The following C8orf34 variants were observed in gnomAD, a reference collection of about 807,000 sequenced individuals.
C8orf34 encodes the protein uncharacterized protein C8orf34.
A neutral mutation model predicts 68.3 loss-of-function variants in C8orf34; 65 were observed. The ratio of observed to expected loss-of-function variants is 0.95; its 90% CI spans 0.78 to 1.17. C8orf34 has a LOEUF of 1.17. Ranked by LOEUF, C8orf34 falls within the 50% of genes most tolerant of loss-of-function variation. The pLI, the probability that C8orf34 is intolerant of heterozygous loss-of-function variation, is 0.00. For synonymous variants in C8orf34, 244 were observed against 241.2 expected, an observed-to-expected ratio of 1.01 and a Z score of -0.11; for missense variants, 664 against 655.4, an observed-to-expected ratio of 1.01 and a Z score of -0.14.
chr8:68,801,977 T>C (rs1824340202), intron 12 of C8orf34, among the ~76,000 whole-genome samples: 1 of 152,116 alleles, frequency 6.6e-6, no homozygotes, highest in South Asian at 2.1e-4. Context: ...AGATCATCTA[T>C]ACAATCATTC....
intron 12 of C8orf34, among the ~76,000 whole-genome samples, chr8:68,802,259 C>A (rs188301453): frequency 1.3e-5 from 2 of 151,868 alleles, no homozygotes; most frequent in African/African-American, 4.8e-5. Context: ...CACCACCATG[C>A]CTGGCTAATT....
At chr8:68,656,748 G>T (rs910490637) in intron 8 of C8orf34, among the ~76,000 whole-genome samples, 2 of 152,034 alleles carry the variant, frequency 1.3e-5, no homozygotes, top group African/African-American at 4.8e-5. Flanking sequence ...CCAGTCCCTG[G>T]AGACCCTGGA....
intron 7 of C8orf34, chr8:68,535,536 C>T (rs1815428759): frequency 2.2e-6 from 2 of 909,850 alleles, no homozygotes; most frequent in Non-Finnish European, 2.6e-6. Context: ...TTTAGTTGAA[C>T]TAGTAGAAGT....
At chr8:68,743,216 T>C (rs1379429771) in intron 10 of C8orf34, among the ~76,000 whole-genome samples, 1 of 152,146 alleles carries the variant, frequency 6.6e-6, no homozygotes, top group Non-Finnish European at 1.5e-5. Flanking sequence ...TTTTCTTGAG[T>C]ATGATGATGA....
At chr8:68,407,218 T>C (rs1298594197) in intron 1 of C8orf34, among the ~76,000 whole-genome samples, 1 of 152,164 alleles carries the variant, frequency 6.6e-6, no homozygotes, top group Non-Finnish European at 1.5e-5. Flanking sequence ...GGTTCCTTTT[T>C]TTTTTATCGT....
intron 7 of C8orf34, among the ~76,000 whole-genome samples, chr8:68,539,660 T>C (rs1815626907): frequency 6.6e-6 from 1 of 152,076 alleles, no homozygotes; most frequent in African/African-American, 2.4e-5. Flanking sequence ...GAGACCAGCC[T>C]GGCCAACATG....
chr8:68,534,192 T>C (rs926957789), intron 7 of C8orf34: 1 of 985,442 alleles, frequency 1.0e-6, no homozygotes, highest in Non-Finnish European at 1.2e-6. Flanking sequence ...GTTTGAAAGA[T>C]GTTTTCTGAT....
intron 1 of C8orf34, among the ~76,000 whole-genome samples, chr8:68,416,785 C>T (rs1809689908): frequency 6.6e-6 from 1 of 152,058 alleles, no homozygotes; most frequent in African/African-American, 2.4e-5. Context: ...CCCATCTCAG[C>T]CTCCCAAAAT....
At chr8:68,467,934 AT>A (rs1812219625) in intron 3 of C8orf34, among the ~76,000 whole-genome samples, 4 of 152,126 alleles carry the variant, frequency 2.6e-5, no homozygotes, top group Admixed American at 2.6e-4. Flanking sequence ...TTTAAAAAAA[AT>A]ATGCCTCGAC....
chr8:68,476,045 G>A (rs990235200), intron 4 of C8orf34, among the ~76,000 whole-genome samples: 1 of 152,182 alleles, frequency 6.6e-6, no homozygotes, highest in Admixed American at 6.5e-5. Context: ...AGTCAGTCAG[G>A]AATGTACCCA....
chr8:68,588,485 A>AT (rs545000485), intron 7 of C8orf34, among the ~76,000 whole-genome samples: 22 of 152,256 alleles, frequency 1.4e-4, no homozygotes, highest in Admixed American at 7.2e-4. Flanking sequence ...ACACTATTTA[A>AT]TGTCATGGAG....
intron 7 of C8orf34, among the ~76,000 whole-genome samples, chr8:68,596,516 G>A (rs1479352428): frequency 6.6e-6 from 1 of 152,080 alleles, no homozygotes; most frequent in Non-Finnish European, 1.5e-5. Context: ...GAACACATGA[G>A]ACTCCTGTAT....
At chr8:68,392,496 AC>A (rs1314893785) in intron 1 of C8orf34, among the ~76,000 whole-genome samples, 3 of 151,906 alleles carry the variant, frequency 2.0e-5, no homozygotes, top group African/African-American at 7.3e-5. Flanking sequence ...ATTCTTAGTA[AC>A]TTTTTTATAT....
intron 7 of C8orf34, among the ~76,000 whole-genome samples, chr8:68,620,695 A>G (rs1261500985): frequency 6.6e-6 from 1 of 152,084 alleles, no homozygotes; most frequent in African/African-American, 2.4e-5. Flanking sequence ...TTACTGGGAA[A>G]AAAAAAAAGA....
chr8:68,593,398 G>GT (rs1444594276), intron 7 of C8orf34, among the ~76,000 whole-genome samples: 7 of 152,036 alleles, frequency 4.6e-5, no homozygotes, highest in Non-Finnish European at 8.8e-5. Context: ...TTTGGAGACA[G>GT]TTTTTTAATA....
chr8:68,682,434 G>A (rs560694284), intron 8 of C8orf34, among the ~76,000 whole-genome samples: 7 of 152,138 alleles, frequency 4.6e-5, no homozygotes, highest in South Asian at 2.1e-4. Context: ...GATGAGTCTC[G>A]TAATTTAGTT....
chr8:68,794,505 A>AT (rs57673879), intron 12 of C8orf34, among the ~76,000 whole-genome samples: 1,607 of 62,232 alleles, frequency 0.026, 91 homozygotes, highest in Admixed American at 0.052. Context: ...ATATATATAT[A>AT]TTTTTTTTTT....
intron 10 of C8orf34, among the ~76,000 whole-genome samples, chr8:68,752,774 G>A (rs1822744528): frequency 6.6e-6 from 1 of 152,102 alleles, no homozygotes; most frequent in Non-Finnish European, 1.5e-5. Flanking sequence ...GAATTAATGT[G>A]GGGAATTTTT....
intron 4 of C8orf34, among the ~76,000 whole-genome samples, chr8:68,474,186 C>T (rs757457624): frequency 3.9e-5 from 6 of 152,122 alleles, no homozygotes; most frequent in Non-Finnish European, 7.3e-5. Context: ...ATGCCCAAAG[C>T]GTATCTCCAC....
Sources: allele counts gnomAD v4.1 joint callset (sites outside exome capture counted in the v4.1 genomes callset), GRCh38; gene constraint gnomAD v4.1.1; transcripts MANE v1.5; gene names NCBI Gene and HGNC (gene_info 2026-07-23, HGNC 2026-07-21).